EPHA4: variants seen among roughly 807,000 people sequenced by gnomAD.
EPHA4 encodes ephrin type-A receptor 4.
In EPHA4, 19 loss-of-function variants were observed where a neutral mutation model predicts 108.3. That is an observed-to-expected ratio of 0.18 (90% CI 0.12 to 0.26). EPHA4 has a LOEUF of 0.26. Ranked by LOEUF, EPHA4 falls within the 10% of genes least tolerant of loss-of-function variation. EPHA4 has a pLI of 1.00. For synonymous variants in EPHA4, 449 were observed against 455.5 expected, an observed-to-expected ratio of 0.99 and a Z score of 0.18; for missense variants, 917 against 1,254.0, an observed-to-expected ratio of 0.73 and a Z score of 4.06.
chr2:221,513,197 A>G (rs1051617743), intron 3 of EPHA4, among the ~76,000 whole-genome samples: 4 of 152,198 alleles, frequency 2.6e-5, no homozygotes, highest in Non-Finnish European at 5.9e-5. Context: ...TTTGAGGGAG[A>G]GCACAGTCCA....
chr2:221,429,874 A>G (rs1171667560), intron 15 of EPHA4, 84 bp downstream of exon 15: 8 of 1,495,306 alleles, frequency 5.4e-6, no homozygotes, highest in Non-Finnish European at 7.3e-6. Context: ...TCTGATGAAA[A>G]GGCAGGAATT....
chr2:221,534,763 C>A (rs931723842), intron 3 of EPHA4, among the ~76,000 whole-genome samples: 6 of 152,290 alleles, frequency 3.9e-5, no homozygotes, highest in East Asian at 3.9e-4. Context: ...CCTTTCAGTT[C>A]TGTGTAGTTG....
At chr2:221,487,169 A>G (rs73994264) in intron 4 of EPHA4, among the ~76,000 whole-genome samples, 3,553 of 152,256 alleles carry the variant, frequency 0.023, 130 homozygotes, top group African/African-American at 0.08. Flanking sequence ...TCTAGTGTTT[A>G]TCACCTGCTT....
intron 3 of EPHA4, among the ~76,000 whole-genome samples, chr2:221,550,486 G>T (rs1357006040): frequency 6.7e-6 from 1 of 149,802 alleles, no homozygotes; most frequent in Non-Finnish European, 1.5e-5. Context: ...ATATTTATTA[G>T]AAATTCAAAA....
chr2:221,561,017 T>TGG (rs1464281822), intron 3 of EPHA4, among the ~76,000 whole-genome samples: 2 of 151,874 alleles, frequency 1.3e-5, no homozygotes, highest in Non-Finnish European at 2.9e-5. Context: ...CCAAGGCGGG[T>TGG]GGATCACGAG....
intron 17 of EPHA4, among the ~76,000 whole-genome samples, chr2:221,422,668 A>T (rs932429938): frequency 6.6e-6 from 1 of 152,156 alleles, no homozygotes; most frequent in Admixed American, 6.5e-5. Context: ...CTCCTTTATC[A>T]TGGGAAATTT....
At chr2:221,562,841 C>G (rs556033463) in intron 3 of EPHA4, among the ~76,000 whole-genome samples, 170 of 152,132 alleles carry the variant, frequency 1.1e-3, no homozygotes, top group African/African-American at 3.8e-3. Context: ...AAGCAAAGGA[C>G]TTTATACACT....
At chr2:221,538,987 A>G (rs944312569) in intron 3 of EPHA4, among the ~76,000 whole-genome samples, 6 of 152,190 alleles carry the variant, frequency 3.9e-5, no homozygotes, top group Admixed American at 6.5e-5. Flanking sequence ...AGATTCTGGT[A>G]CAGAACTGCC....
chr2:221,534,187 T>C (rs1458748208), intron 3 of EPHA4, among the ~76,000 whole-genome samples: 1 of 152,202 alleles, frequency 6.6e-6, no homozygotes, highest in Non-Finnish European at 1.5e-5. Flanking sequence ...GATTTAAGAA[T>C]GGCCTGCAAG....
At chr2:221,516,852 T>C (rs1009310265) in intron 3 of EPHA4, among the ~76,000 whole-genome samples, 3 of 152,152 alleles carry the variant, frequency 2.0e-5, no homozygotes, top group Non-Finnish European at 2.9e-5. Context: ...TCCTTTTTTT[T>C]CCCCAAATAA....
intron 3 of EPHA4, among the ~76,000 whole-genome samples, chr2:221,561,312 T>G (rs2106207061): frequency 6.6e-6 from 1 of 152,284 alleles, no homozygotes; most frequent in African/African-American, 2.4e-5. Context: ...ATTCAAGTTT[T>G]TTCTTACCTA....
chr2:221,482,834 A>G, intron 4 of EPHA4, 144 bp from the exon 5 acceptor site: 1 of 679,878 alleles, frequency 1.5e-6, no homozygotes, highest in Non-Finnish European at 2.4e-6. Context: ...AGCCAGCATA[A>G]AAGATCTTTT....
chr2:221,564,223 G>T lies in EPHA4; in HGVS notation c.331C>A (p.Leu111Ile). The T allele has an allele frequency of 1.2e-6, 2 of 1,614,090 alleles. No homozygotes were observed. The highest frequency in any genetic ancestry group is 1.7e-6 in the Non-Finnish European group (2 of 1,180,018). ...IKFTLRDCNS[L>I]PGVMGTCKET... ...TTGCAAGTCCCCATGACGCCCGGAA[G>T]ACTATTGCAGTCCCTCAAGGTGAAT... The change falls in exon 3 of 18, where the codon CTT becomes ATT. Residue 111 changes from leucine (L) to isoleucine (I), a missense_variant. Around this residue, in one of 3 missense-constraint regions of EPHA4, gnomAD observed 758 missense variants for 1,076.7 expected, o/e 0.70. Transcript: ENST00000281821.
chr2:221,474,422 TA>T (rs35346087), intron 5 of EPHA4, among the ~76,000 whole-genome samples: 7,038 of 143,890 alleles, frequency 0.049, 568 homozygotes, highest in African/African-American at 0.17. Flanking sequence ...GACTGTTTCT[TA>T]AAAAAAAAAA....
rs559055125 is a variant in EPHA4 at position 221,455,183 on chromosome 2, G to C, written c.1715+364C>G. 2.0e-5 allele frequency among the ~76,000 whole-genome samples: 3 copies of C among 152,318 alleles called. No individual in the cohort carries two copies. The East Asian group carries it at 5.8e-4, about 29-fold the overall frequency. On this transcript the variant is annotated intron_variant, in intron 8 of 17. Transcript: ENST00000281821. ...GTAGTAGTAGCTGGCAAATGGCAGA[G>C]CTCAAAATTGGGGCCCAAGTTTTAT...
At chr2:221,506,567 G>T (rs1692637929) in intron 3 of EPHA4, among the ~76,000 whole-genome samples, 1 of 152,136 alleles carries the variant, frequency 6.6e-6, no homozygotes, top group African/African-American at 2.4e-5. Context: ...AAACATGCAG[G>T]GTGAAGATGG....
chr2:221,556,290 T>G (rs1694297903), intron 3 of EPHA4, among the ~76,000 whole-genome samples: 1 of 152,068 alleles, frequency 6.6e-6, no homozygotes, highest in African/African-American at 2.4e-5. Flanking sequence ...TGACATTGTT[T>G]TACTACTTTC....
chr2:221,426,450 C>T lies in EPHA4; in HGVS notation c.2846+14G>A, dbSNP rs774017100. 7 of 1,581,334 alleles carry T rather than the reference C, an allele frequency of 4.4e-6. No individual in the cohort carries two copies. The Admixed American group carries it at 6.0e-5, about 14-fold the overall frequency. ...CTAGATTTACCCTTTCGTGTTACAT[C>T]GTTGAGTACTTACTCCTGGTTCACG... On this transcript the variant is annotated intron_variant, in intron 16 of 17. Coordinates refer to ENST00000281821, the MANE Select transcript of EPHA4 (RefSeq NM_004438.5).
At chr2:221,514,185 TAC>T (rs1683060878) in intron 3 of EPHA4, among the ~76,000 whole-genome samples, 2 of 151,940 alleles carry the variant, frequency 1.3e-5, no homozygotes, top group African/African-American at 4.8e-5. Context: ...GCAGCCGAAA[TAC>T]ACAGTGTGAC....
Sources: allele counts gnomAD v4.1 joint callset (sites outside exome capture counted in the v4.1 genomes callset), GRCh38; gene constraint gnomAD v4.1.1; regional missense constraint gnomAD v4.1.1; transcripts MANE v1.5; gene names NCBI Gene and HGNC (gene_info 2026-07-23, HGNC 2026-07-21).